Variants in SH3BP4 observed in about 807,000 individuals in gnomAD.
SH3BP4 encodes SH3 domain-binding protein 4.
Under a neutral mutation model 65.5 loss-of-function variants are expected in SH3BP4, and 33 were observed. The observed-to-expected ratio is 0.50, with a 90% CI of 0.38 to 0.67. SH3BP4 has a LOEUF of 0.67. Among genes scored for constraint, SH3BP4 ranks in the 30% least tolerant of loss-of-function variants. The pLI, the probability that SH3BP4 is intolerant of heterozygous loss-of-function variation, is 0.00. For synonymous variants in SH3BP4, 552 were observed against 545.5 expected (o/e 1.01, Z -0.17); for missense variants, 1,134 against 1,261.4 (o/e 0.90, Z 1.53).
intron 1 of SH3BP4, among the ~76,000 whole-genome samples, chr2:234,972,066 C>T (rs1375707000): frequency 1.3e-5 from 2 of 151,860 alleles, no homozygotes; most frequent in African/African-American, 4.8e-5. Context: ...CCACCCGTCT[C>T]AGCCTCCCAA....
chr2:234,957,035 T>C (rs1692604733), intron 1 of SH3BP4, among the ~76,000 whole-genome samples: 1 of 152,072 alleles, frequency 6.6e-6, no homozygotes, highest in African/African-American at 2.4e-5. Context: ...TCTTTTTCTT[T>C]TTTTTGAGTC....
chr2:234,954,819 G>A (rs1256285360), intron 1 of SH3BP4, among the ~76,000 whole-genome samples: 1 of 152,108 alleles, frequency 6.6e-6, no homozygotes. Context: ...AGGTGTGTGT[G>A]CTTTCTTTTC....
chr2:234,990,845 A>G (rs1347888582), intron 1 of SH3BP4, among the ~76,000 whole-genome samples: 1 of 152,190 alleles, frequency 6.6e-6, no homozygotes, highest in East Asian at 1.9e-4. Context: ...CTGAGGGAGA[A>G]TCAGTTCCAG....
intron 2 of SH3BP4, among the ~76,000 whole-genome samples, chr2:235,032,034 C>T (rs11888319): frequency 3.9e-5 from 6 of 152,114 alleles, no homozygotes; most frequent in East Asian, 3.9e-4. Context: ...TGAGGCGGCG[C>T]GGTGGCCGAG....
chr2:235,024,512 T>A (rs777509683), intron 2 of SH3BP4, among the ~76,000 whole-genome samples: 1 of 152,154 alleles, frequency 6.6e-6, no homozygotes, highest in Non-Finnish European at 1.5e-5. Flanking sequence ...TGTGTGTCAC[T>A]AATGAGAACT....
In SH3BP4 at chr2:234,977,871, A is replaced by G. The variant is rs923370688; in HGVS notation, c.-206-17432A>G. On this transcript the variant is annotated intron_variant, in intron 1 of 5. Coordinates refer to ENST00000392011, the MANE Select transcript of SH3BP4 (RefSeq NM_014521.3). This position sits in a 1 kb window ranked among gnomAD's most constrained non-coding sequence, Gnocchi z 5.1. ...CCCTGCACTTGAGTTTCTAGTCTTA[A>G]GCAAGAAGGGTGTCACCGAGGTTGT... is the stretch of plus-strand genomic sequence containing the variant. Among the ~76,000 whole-genome samples, 1 of 152,174 alleles carries G rather than the reference A, an allele frequency of 6.6e-6. No individual in the cohort carries two copies. The highest frequency in any genetic ancestry group is 1.5e-5 in the Non-Finnish European group (1 of 68,012).
intron 3 of SH3BP4, among the ~76,000 whole-genome samples, chr2:235,038,355 T>TA (rs1398603247): frequency 5.0e-5 from 1 of 20,178 alleles, no homozygotes; most frequent in African/African-American, 2.9e-4. Context: ...ATATTTTATA[T>TA]ATATATATAT....
rs1357619366 is a variant in SH3BP4 at position 235,041,087 on chromosome 2, C to G, written c.318C>G (p.Ser106=). 2.5e-6 allele frequency: 4 copies of G among 1,614,000 alleles called. No individual in the cohort carries two copies. In the African/African-American group the frequency reaches 5.3e-5, roughly 22 times the overall value. The part of the protein sequence containing the change: ...HNTTEMGYIP[S]SYVQPLNYRN... The stretch of plus-strand genomic sequence containing the variant: ...CCACCGAAATGGGCTACATCCCCTC[C>G]TCCTATGTGCAGCCCTTGAACTACC... The change falls in exon 4 of 6, where the codon TCC becomes TCG. Residue 106 remains serine (S), a synonymous_variant. Transcript: ENST00000392011. This position sits in a 1 kb window ranked among gnomAD's most constrained non-coding sequence, Gnocchi z 6.0.
At position 235,041,586 on chromosome 2, in the gene SH3BP4, G is replaced by A. The variant is rs1386019630; in HGVS notation, c.817G>A (p.Ala273Thr). 2 of 1,613,924 alleles carry A rather than the reference G, an allele frequency of 1.2e-6. No homozygotes were observed. The highest frequency in any genetic ancestry group is 3.3e-5 in the Admixed American group (2 of 60,012). ...TTTCTTCACCGGCTTGAAATCACCT[G>A]CCCCCGAGCAATTTCAGAGCCGGGA... is the stretch of plus-strand genomic sequence containing the variant. ...SSFFTGLKSP[A>T]PEQFQSREDF... is the part of the protein sequence containing the mutation. The change falls in exon 4 of 6, where the codon GCC (alanine) becomes ACC (threonine). Residue 273 changes from alanine to threonine, a missense_variant. Transcript: ENST00000392011. This position sits in a 1 kb window ranked among gnomAD's most constrained non-coding sequence, Gnocchi z 6.0.
intron 2 of SH3BP4, among the ~76,000 whole-genome samples, chr2:235,007,999 C>T (rs754909613): frequency 1.3e-5 from 2 of 152,138 alleles, no homozygotes; most frequent in Non-Finnish European, 2.9e-5. Flanking sequence ...GAGGATGCCG[C>T]GTGAGCTGCA....
chr2:235,006,370 C>A (rs573473489), intron 2 of SH3BP4, among the ~76,000 whole-genome samples: 2 of 152,230 alleles, frequency 1.3e-5, no homozygotes, highest in African/African-American at 4.8e-5. Context: ...AAGAGTGGAT[C>A]CATCAAAAAT....
Position 234,991,060 on chromosome 2 carries a change from T to A in SH3BP4, c.-206-4243T>A, listed in dbSNP as rs1025577606. On this transcript the variant is annotated intron_variant, in intron 1 of 5. Transcript: ENST00000392011. This position sits in a 1 kb window ranked among gnomAD's most constrained non-coding sequence, Gnocchi z 4.2. ...GCTTGATTGCACCTTGAACACTCTG[T>A]CTCCAAATAAGGTCACTTTCTGAGG... is the stretch of plus-strand genomic sequence containing the variant. Among the ~76,000 whole-genome samples the A allele has an allele frequency of 2.0e-5, 3 of 152,138 alleles. No homozygotes were observed. Among genetic ancestry groups the A allele is most frequent in the Non-Finnish European group, 4.4e-5 (3 of 68,028 alleles).
At chr2:235,039,505 AG>A (rs1361624173) in intron 3 of SH3BP4, among the ~76,000 whole-genome samples, 1 of 151,806 alleles carries the variant, frequency 6.6e-6, no homozygotes, top group East Asian at 1.9e-4. Flanking sequence ...AAAGAAAGAA[AG>A]AAAGAAACGT....
At chr2:235,039,584 G>C (rs1040141092) in intron 3 of SH3BP4, among the ~76,000 whole-genome samples, 2 of 151,978 alleles carry the variant, frequency 1.3e-5, no homozygotes, top group Non-Finnish European at 2.9e-5. Context: ...AAGTGAGGCA[G>C]TTTGGGAGGT....
chr2:235,048,917 T>G (rs867193455), intron 4 of SH3BP4, among the ~76,000 whole-genome samples: 13 of 152,182 alleles, frequency 8.5e-5, no homozygotes, highest in Admixed American at 3.3e-4. Flanking sequence ...TGTGTGCCCA[T>G]AAAAAGAGGA....
chr2:234,987,450 G>A (rs1165918568), intron 1 of SH3BP4, among the ~76,000 whole-genome samples: 3 of 152,106 alleles, frequency 2.0e-5, no homozygotes, highest in African/African-American at 4.8e-5. Context: ...TGAGGAAAAC[G>A]AGGCCCAGGA....
intron 2 of SH3BP4, among the ~76,000 whole-genome samples, chr2:235,010,486 C>G (rs1694445441): frequency 6.6e-6 from 1 of 152,230 alleles, no homozygotes; most frequent in African/African-American, 2.4e-5. Context: ...TAATCCTTAT[C>G]TGTCTCATAG....
At position 234,974,834 on chromosome 2, in the gene SH3BP4, CAG is replaced by C; in HGVS notation, c.-206-20468_-206-20467del. Among the ~76,000 whole-genome samples the C allele has an allele frequency of 6.6e-6, 1 of 152,284 alleles. No homozygotes were observed. The highest frequency in any genetic ancestry group is 1.9e-4 in the East Asian group (1 of 5,162). The stretch of plus-strand genomic sequence containing the variant: ...GGGAGGGGAAGGAATCTGAGCCAGT[CAG>C]TGTGCCCACACTGGGGGTGCTGCAG... On this transcript the variant is annotated intron_variant, in intron 1 of 5. Coordinates refer to ENST00000392011, the MANE Select transcript of SH3BP4 (RefSeq NM_014521.3). This position sits in a 1 kb window ranked among gnomAD's most constrained non-coding sequence, Gnocchi z 4.6.
chr2:234,968,835 TCCTGATAC>T (rs947105756), intron 1 of SH3BP4, among the ~76,000 whole-genome samples: 4 of 152,266 alleles, frequency 2.6e-5, no homozygotes, highest in Non-Finnish European at 5.9e-5. Flanking sequence ...TTCATACTTT[TCCTGATAC>T]CCTTTTATTG....
Sources: gnomAD v4.1 joint callset for allele counts (sites outside exome capture counted in the v4.1 genomes callset) on GRCh38, gnomAD v4.1.1 for gene constraint, Gnocchi (gnomAD v3.1) non-coding constraint, MANE v1.5 for transcripts, NCBI Gene and HGNC (gene_info 2026-07-23, HGNC 2026-07-21) for gene names.